The following PENK variants were observed in gnomAD, a reference collection of about 807,000 sequenced individuals.
PENK encodes proenkephalin.
Under a neutral mutation model 24.1 loss-of-function variants are expected in PENK, and 25 were observed. That is an observed-to-expected ratio of 1.04 (90% CI 0.76 to 1.45). PENK has a LOEUF of 1.45. PENK is among the 40% of genes most tolerant of loss of function. The pLI is 0.00. For synonymous variants in PENK, 135 were observed against 130.3 expected (o/e 1.04, Z -0.24); for missense variants, 353 against 337.9 (o/e 1.04, Z -0.35).
At chr8:56,444,649 C>A (rs1330656996) in intron 3 of PENK, among the ~76,000 whole-genome samples, 1 of 152,202 alleles carries the variant, frequency 6.6e-6, no homozygotes, top group South Asian at 2.1e-4. Flanking sequence ...AATATACAAC[C>A]TTCCTATGTG....
At chr8:56,442,637 CTT>C (rs1475596256) in intron 3 of PENK, among the ~76,000 whole-genome samples, 2 of 151,466 alleles carry the variant, frequency 1.3e-5, no homozygotes, top group African/African-American at 4.8e-5. Flanking sequence ...ATACAACAGA[CTT>C]TATTATTTTG....
At chr8:56,445,739 G>T in intron 3 of PENK, 77 bp downstream of exon 3, 1 of 1,584,562 alleles carries the variant, frequency 6.3e-7, no homozygotes, top group Non-Finnish European at 8.7e-7. Context: ...CCGCGCGGTG[G>T]GCCGGAGGCA....
chr8:56,445,847 C>T lies in PENK; in HGVS notation c.107G>A (p.Arg36His). ...GTTGATGTCGGCCGGGCGCACTAGG[C>T]GGTAGCTGCACGTCGCGCAATCCTG... ...CSQDCATCSYRLVRPADINFL... is the reference protein window; with the variant it reads ...CSQDCATCSYHLVRPADINFL... Residue 36 changes from arginine to histidine, a missense_variant, in exon 3 of 4, where the codon CGC becomes CAC. By Grantham distance (29) the Arg-to-His change is conservative (BLOSUM62 0). Coordinates refer to ENST00000451791, the MANE Select transcript of PENK (RefSeq NM_001135690.3). 1.2e-6 allele frequency: 2 copies of T among 1,613,338 alleles called. No homozygotes were observed. Among genetic ancestry groups the T allele is most frequent in the South Asian group, 2.2e-5 (2 of 91,082 alleles).
intron 3 of PENK, 21 bp from the exon 4 acceptor site, chr8:56,441,958 A>C: frequency 6.4e-7 from 1 of 1,570,922 alleles, no homozygotes; most frequent in Non-Finnish European, 8.6e-7. Flanking sequence ...AATTTGATGT[A>C]ATGATAAAAA....
chr8:56,445,397 T>C, intron 3 of PENK: 2 of 425,742 alleles, frequency 4.7e-6, no homozygotes, highest in Non-Finnish European at 4.2e-6. Context: ...GTGGGAAAGA[T>C]GGGAAGATGA....
intron 2 of PENK, 177 bp downstream of exon 2, chr8:56,446,249 C>T: frequency 2.2e-6 from 1 of 446,794 alleles, no homozygotes; most frequent in Non-Finnish European, 4.0e-6. Context: ...GGAGAGAACG[C>T]CGCAGACCAG....
rs1804669968 is a variant in PENK, at chr8:56,446,581, C to T, written c.-72G>A. 1 of 152,664 alleles carries T rather than the reference C, an allele frequency of 6.6e-6. No individual in the cohort carries two copies. Among genetic ancestry groups the T allele is most frequent in the Admixed American group, 6.5e-5 (1 of 15,294 alleles). The allele number at this position is 152,664 out of a possible 1,614,324, so 9.5% of individuals were successfully genotyped here. A position where few individuals can be genotyped will look rare whatever the true frequency, so the allele number is the denominator to read the frequency against. On this transcript the variant is annotated 5_prime_UTR_variant, in exon 1 of 4. Coordinates refer to ENST00000451791, the MANE Select transcript of PENK (RefSeq NM_001135690.3). ...CGTAGGGCCTCACCGTCGCGGTCCT[C>T]AGCGTCTCTGCGGGGTCACGGGCCA...
In PENK at chr8:56,441,865, G is replaced by C. The variant is rs373087920; in HGVS notation, c.211C>G (p.Leu71Val). The C allele has an allele frequency of 3.7e-6, 6 of 1,613,832 alleles. No individual in the cohort carries two copies. Among genetic ancestry groups the C allele is most frequent in the Non-Finnish European group, 5.1e-6 (6 of 1,179,840 alleles). ...IWETCKELLQLSKPELPQDGT... is the reference protein window; with the variant it reads ...IWETCKELLQVSKPELPQDGT... ...TCTTGAGGAAGCTCTGGTTTGGACA[G>C]CTGCAGGAGCTCCTTGCAGGTTTCC... is the stretch of plus-strand genomic sequence containing the variant. Residue 71 changes from leucine to valine, a missense_variant, in exon 4 of 4, where the codon CTG (leucine) becomes GTG (valine). Coordinates refer to ENST00000451791, the MANE Select transcript of PENK (RefSeq NM_001135690.3).
chr8:56,446,116 G>C (rs1804660258), intron 2 of PENK, 160 bp from the exon 3 acceptor site: 2 of 804,152 alleles, frequency 2.5e-6, no homozygotes, highest in Non-Finnish European at 3.9e-6. Context: ...ACAGCTTTTA[G>C]GTAGACGTGG....
In PENK at chr8:56,441,946, A is replaced by G. The variant is rs187034999; in HGVS notation, c.139-9T>C. The G allele has an allele frequency of 9.0e-5, 144 of 1,593,376 alleles. 1 individual carries two copies. In the Admixed American group the frequency reaches 2.0e-3, roughly 22 times the overall value. On this transcript the variant is annotated splice_polypyrimidine_tract_variant and intron_variant, in intron 3 of 3. Coordinates refer to ENST00000451791, the MANE Select transcript of PENK (RefSeq NM_001135690.3). ...CATTCCATTACGCAAGCCTGGGAAA[A>G]CAATTTGATGTAATGATAAAAAGAA...
Position 56,445,882 on chromosome 8 carries a change from G to C in PENK, c.72C>G (p.Ala24=). The stretch of plus-strand genomic sequence containing the variant: ...ACGTCGCGCAATCCTGGCTGCATTC[G>C]GCCCGCACGGTCGCCAGGAGCCCGG... ...LGPGLLATVR[A]ECSQDCATCS... Residue 24 remains alanine (A), a synonymous_variant, in exon 3 of 4, where the codon GCC becomes GCG. Coordinates refer to ENST00000451791, the MANE Select transcript of PENK (RefSeq NM_001135690.3). 1 of 1,613,034 alleles carries C rather than the reference G, an allele frequency of 6.2e-7. No individual in the cohort carries two copies. Among genetic ancestry groups the C allele is most frequent in the Non-Finnish European group, 8.5e-7 (1 of 1,179,868 alleles).
chr8:56,446,056 A>T (rs1258254029), intron 2 of PENK, 100 bp from the exon 3 acceptor site: 1 of 1,335,010 alleles, frequency 7.5e-7, no homozygotes, highest in East Asian at 2.5e-5. Context: ...GGGATCGTCG[A>T]GCAAAAGCCC....
rs988033473 is a variant in PENK at position 56,441,637 on chromosome 8, C to T, written c.439G>A (p.Asp147Asn). Residue 147 changes from aspartate to asparagine, a missense_variant, in exon 4 of 4, where the codon GAC (aspartate) becomes AAC (asparagine). Transcript: ENST00000451791. ...TCTGAGGAATTGGCCAGCGAGTCGT[C>T]CTCCTCTGCATCCTTCTTCATGAAG... is the stretch of plus-strand genomic sequence containing the variant. Reference protein sequence around the residue: ...GGFMKKDAEEDDSLANSSDLL... With the variant: ...GGFMKKDAEENDSLANSSDLL... The T allele has an allele frequency of 1.2e-5, 20 of 1,614,100 alleles. No homozygotes were observed. In the African/African-American group the frequency reaches 1.7e-4, roughly 14 times the overall value.
chr8:56,442,208 A>T (rs537329485), intron 3 of PENK, among the ~76,000 whole-genome samples: 1 of 152,348 alleles, frequency 6.6e-6, no homozygotes, highest in Non-Finnish European at 1.5e-5. Flanking sequence ...AAGAATTTAA[A>T]AAAAAATTTT....
chr8:56,446,146 G>C (rs1226508173), intron 2 of PENK, 190 bp from the exon 3 acceptor site: 1 of 617,410 alleles, frequency 1.6e-6, no homozygotes, highest in South Asian at 2.6e-5. Context: ...AGATCGCCTC[G>C]CGGTTCCCGG....
chr8:56,443,911 A>G, intron 3 of PENK: 1 of 695,558 alleles, frequency 1.4e-6, no homozygotes, highest in East Asian at 2.7e-5. Flanking sequence ...CCATTCCATC[A>G]CCTGGATTAA....
Position 56,441,566 on chromosome 8 carries a change from G to C in PENK, c.510C>G (p.Ser170Arg), listed in dbSNP as rs1804555450. 1 of 1,613,650 alleles carries C rather than the reference G, an allele frequency of 6.2e-7. No individual in the cohort carries two copies. Among genetic ancestry groups the C allele is most frequent in the South Asian group, 1.1e-5 (1 of 91,046 alleles). Reference protein sequence around the residue: ...LLETGDNRERSHHQDGSDNEE... With the variant: ...LLETGDNRERRHHQDGSDNEE... ...CATTATCACTGCCATCCTGGTGGTG[G>C]CTACGCTCTCGGTTGTCCCCTGTTT... is the stretch of plus-strand genomic sequence containing the variant. Residue 170 changes from serine (S) to arginine (R), a missense_variant, in exon 4 of 4, where the codon AGC becomes AGG. Ser to Arg is a moderately radical substitution (Grantham distance 110). Transcript: ENST00000451791.
chr8:56,446,032 G>T, intron 2 of PENK, 76 bp from the exon 3 acceptor site: 2 of 1,456,630 alleles, frequency 1.4e-6, no homozygotes, highest in East Asian at 4.9e-5. Context: ...CCCTCGCCGC[G>T]ACAGCCTCAG....
At chr8:56,445,669 C>A in intron 3 of PENK, 147 bp downstream of exon 3, 1 of 983,912 alleles carries the variant, frequency 1.0e-6, no homozygotes, top group Non-Finnish European at 1.6e-6. Flanking sequence ...AGCTGAGACA[C>A]CCAGGTCACC....
Sources: allele counts gnomAD v4.1 joint callset (sites outside exome capture counted in the v4.1 genomes callset), GRCh38; gene constraint gnomAD v4.1.1; transcripts MANE v1.5; gene names NCBI Gene and HGNC (gene_info 2026-07-23, HGNC 2026-07-21).